Variants in DNAH6 observed in about 807,000 individuals in gnomAD.
DNAH6 encodes the protein axonemal beta dynein heavy chain 6.
A neutral mutation model predicts 491.4 loss-of-function variants in DNAH6; 340 were observed. That is an observed-to-expected ratio of 0.69 (90% CI 0.63 to 0.76). The LOEUF (loss-of-function observed/expected upper bound fraction) is 0.76. Ranked by LOEUF, DNAH6 falls within the 30% of genes least tolerant of loss-of-function variation. The probability of loss-of-function intolerance (pLI) is 0.00; values close to 1 mark genes in which losing one functional copy is unlikely to be tolerated. For synonymous variants in DNAH6, 1,603 were observed against 1,686.1 expected (o/e 0.95, Z 1.21); for missense variants, 4,443 against 4,972.2 (o/e 0.89, Z 3.20).
At chr2:84,613,429 G>A (rs1365475740) in intron 22 of DNAH6, among the ~76,000 whole-genome samples, 1 of 152,086 alleles carries the variant, frequency 6.6e-6, no homozygotes, top group Non-Finnish European at 1.5e-5. Context: ...ATCAGACTGG[G>A]TCCTTGATTA....
chr2:84,675,429 C>G (rs1384729799), intron 40 of DNAH6, among the ~76,000 whole-genome samples: 1 of 152,122 alleles, frequency 6.6e-6, no homozygotes, highest in African/African-American at 2.4e-5. Flanking sequence ...GATTCTTCTT[C>G]CTACCAAAGG....
At position 84,782,853 on chromosome 2, in the gene DNAH6, G is replaced by T. The variant is rs546995636; in HGVS notation, c.10864+1200G>T. Among the ~76,000 whole-genome samples, 28 of 152,292 alleles carry T rather than the reference G, an allele frequency of 1.8e-4. No individual in the cohort carries two copies. The South Asian group carries it at 5.8e-3, about 32-fold the overall frequency. ...AGCAAAAAAGCAATTTACTGTGGTG[G>T]TACTACATGAGGCTCCAGAATATGG... On this transcript the variant is annotated intron_variant, in intron 65 of 76. Transcript: ENST00000389394.
chr2:84,781,790 A>G (rs1325493155), intron 65 of DNAH6, 137 bp downstream of exon 65: 7 of 1,113,454 alleles, frequency 6.3e-6, no homozygotes, highest in Middle Eastern at 2.7e-4. Flanking sequence ...TGAGGCCTAG[A>G]CAGATTTAGC....
chr2:84,475,533 A>G, the DNAH6 span, among the ~76,000 whole-genome samples: 1 of 152,210 alleles, frequency 6.6e-6, no homozygotes, highest in Admixed American at 6.5e-5. Flanking sequence ...ATTGCCCACA[A>G]TTAAAGCAAG....
At chr2:84,731,833 CACTG>C (rs913730521) in intron 61 of DNAH6, among the ~76,000 whole-genome samples, 13 of 152,184 alleles carry the variant, frequency 8.5e-5, no homozygotes, top group African/African-American at 2.9e-4. Context: ...GAAACCCAAA[CACTG>C]ACTCCAGCAA....
At chr2:84,746,294 A>G (rs918950608) in intron 63 of DNAH6, among the ~76,000 whole-genome samples, 1 of 152,214 alleles carries the variant, frequency 6.6e-6, no homozygotes, top group Non-Finnish European at 1.5e-5. Context: ...AAAGATGGGC[A>G]AAAAGTGAAG....
At chr2:84,532,260 T>C (rs1416571346) in intron 4 of DNAH6, among the ~76,000 whole-genome samples, 1 of 152,186 alleles carries the variant, frequency 6.6e-6, no homozygotes, top group Non-Finnish European at 1.5e-5. Context: ...TTTTTTGGAC[T>C]CACAGAAGTG....
At chr2:84,596,318 TTTG>T (rs1445191010) in intron 18 of DNAH6, among the ~76,000 whole-genome samples, 4 of 151,980 alleles carry the variant, frequency 2.6e-5, no homozygotes, top group Non-Finnish European at 5.9e-5. Context: ...TAGGGTGTTT[TTTG>T]TTGTTGTTGT....
chr2:84,751,527 G>T (rs1673473628), intron 63 of DNAH6, among the ~76,000 whole-genome samples: 1 of 152,174 alleles, frequency 6.6e-6, no homozygotes, highest in South Asian at 2.1e-4. Flanking sequence ...AAGCCCCATG[G>T]TATAGGCTCA....
chr2:84,640,864 C>T (rs559204089), intron 32 of DNAH6, among the ~76,000 whole-genome samples: 33 of 152,320 alleles, frequency 2.2e-4, no homozygotes, highest in Middle Eastern at 3.4e-3. Context: ...ATTCAAACAT[C>T]GGTCTTTTGT....
chr2:84,796,318 A>G lies in DNAH6; in HGVS notation c.11252A>G (p.Tyr3751Cys). ...AATTTCTTTTCAGGTGAAATTACTT[A>G]TGGTGGTAGAGTCACAGACAGCTGG... is the stretch of plus-strand genomic sequence containing the variant. ...ALIYITGEIT[Y>C]GGRVTDSWDQ... The change falls in exon 69 of 77, where the codon TAT (tyrosine) becomes TGT (cysteine). Residue 3751 changes from tyrosine (Y) to cysteine (C), a missense_variant. This residue lies in a region of DNAH6 where 1,463 missense variants were observed against 1,656.6 expected (regional missense o/e 0.88). Transcript: ENST00000389394. The G allele has an allele frequency of 6.7e-7, 1 of 1,489,628 alleles. No individual in the cohort carries two copies. Among genetic ancestry groups the G allele is most frequent in the Non-Finnish European group, 9.0e-7 (1 of 1,117,096 alleles). The allele number at this position is 1,489,628 out of a possible 1,614,324, so 92.3% of individuals were successfully genotyped here.
chr2:84,620,520 G>A (rs575462104), intron 24 of DNAH6, among the ~76,000 whole-genome samples: 10 of 152,250 alleles, frequency 6.6e-5, no homozygotes, highest in Admixed American at 1.3e-4. Flanking sequence ...CAAGTATGAT[G>A]GAAGGGAGAG....
chr2:84,727,950 C>A, intron 61 of DNAH6, 48 bp downstream of exon 61: 1 of 1,204,068 alleles, frequency 8.3e-7, no homozygotes, highest in Non-Finnish European at 1.2e-6. Flanking sequence ...TGGCTGTGTC[C>A]CCACCCAAAT....
chr2:84,738,908 T>A (rs780404937), intron 62 of DNAH6, among the ~76,000 whole-genome samples: 52 of 152,184 alleles, frequency 3.4e-4, no homozygotes, highest in Non-Finnish European at 1.3e-4. Flanking sequence ...TAGTCTTTAT[T>A]GTATAGTTGC....
intron 18 of DNAH6, among the ~76,000 whole-genome samples, chr2:84,599,610 A>T (rs947615262): frequency 1.3e-5 from 2 of 152,192 alleles, no homozygotes; most frequent in Admixed American, 6.5e-5. Context: ...TTTGGAAATG[A>T]CTATCCTCCC....
chr2:84,579,491 C>T (rs759782112), intron 13 of DNAH6, 36 bp from the exon 14 acceptor site: 86 of 1,602,358 alleles, frequency 5.4e-5, no homozygotes, highest in African/African-American at 1.5e-4. Context: ...TGAAAATATT[C>T]GACTATTTAC....
intron 14 of DNAH6, among the ~76,000 whole-genome samples, chr2:84,580,316 G>GCACACACACACACACACACACA (rs36209367): frequency 1.3e-5 from 2 of 149,174 alleles, no homozygotes; most frequent in African/African-American, 2.5e-5. Context: ...ACATACACAC[G>GCACACACACACACACACACACA]CACACACACA....
At chr2:84,600,237 C>A (rs924624244) in intron 18 of DNAH6, among the ~76,000 whole-genome samples, 1 of 152,056 alleles carries the variant, frequency 6.6e-6, no homozygotes, top group African/African-American at 2.4e-5. Context: ...ACTTTTATTT[C>A]AGAATAGTTT....
chr2:84,738,065 CAA>C (rs34058351), intron 62 of DNAH6, among the ~76,000 whole-genome samples: 2 of 152,046 alleles, frequency 1.3e-5, no homozygotes, highest in Admixed American at 1.3e-4. Flanking sequence ...TCATCTGTTT[CAA>C]AAAAGTTTTT....
Sources: allele counts gnomAD v4.1 joint callset (sites outside exome capture counted in the v4.1 genomes callset), GRCh38; gene constraint gnomAD v4.1.1; regional missense constraint gnomAD v4.1.1; transcripts MANE v1.5; gene names NCBI Gene and HGNC (gene_info 2026-07-23, HGNC 2026-07-21).